EIF2B4: variants seen among roughly 807,000 people sequenced by gnomAD.
EIF2B4 encodes eukaryotic translation initiation factor 2B subunit delta, also known as translation initiation factor eIF2B subunit delta.
EIF2B4 carries 34 observed loss-of-function variants against 66.7 expected under a neutral mutation model. The ratio of observed to expected loss-of-function variants is 0.51; its 90% CI spans 0.39 to 0.68. The LOEUF is 0.68. Among genes scored for constraint, EIF2B4 ranks in the 30% least tolerant of loss-of-function variants. EIF2B4 has a pLI of 0.00. For missense variants in EIF2B4, 618 were observed against 657.9 expected, an observed-to-expected ratio of 0.94 and a Z score of 0.66; for synonymous variants, 278 against 253.6, an observed-to-expected ratio of 1.10 and a Z score of -0.92.
intron 3 of EIF2B4, 32 bp downstream of exon 3, chr2:27,369,382 C>G: frequency 6.2e-7 from 1 of 1,613,752 alleles, no homozygotes; most frequent in Non-Finnish European, 8.5e-7. Context: ...CAGCTCCACA[C>G]CCCAGCCCTT....
At chr2:27,368,291 C>T in intron 6 of EIF2B4, 81 bp downstream of exon 6, 2 of 1,410,362 alleles carry the variant, frequency 1.4e-6, no homozygotes, top group Non-Finnish European at 2.0e-6. Flanking sequence ...CAGAGTCCAT[C>T]TCAGATTACT....
chr2:27,369,390 C>G (rs772707170), intron 3 of EIF2B4, 24 bp downstream of exon 3: 1 of 1,613,912 alleles, frequency 6.2e-7, no homozygotes, highest in South Asian at 1.1e-5. Flanking sequence ...CACCCCAGCC[C>G]TTTAAAAGAG....
Position 27,367,760 on chromosome 2 carries a change from T to C in EIF2B4, c.768A>G (p.Leu256=). 2 of 1,614,106 alleles carry C rather than the reference T, an allele frequency of 1.2e-6. No homozygotes were observed. Among genetic ancestry groups the C allele is most frequent in the Non-Finnish European group, 1.7e-6 (2 of 1,179,934 alleles). The stretch of plus-strand genomic sequence containing the variant: ...GTTGTCCCTACCTCATGTAGGGTTT[T>C]AGTTTATTCACTAGATCCCTGGAGA... ...EELSRDLVNK[L]KPYMSFLTQC... is the part of the protein sequence containing the mutation. The change falls in exon 8 of 13, where the codon CTA becomes CTG. Residue 256 remains leucine (L), a synonymous_variant. Transcript: ENST00000347454.
At chr2:27,366,428 A>T (rs960740169) in intron 11 of EIF2B4, 1 of 372,330 alleles carries the variant, frequency 2.7e-6, no homozygotes, top group South Asian at 2.5e-5. Flanking sequence ...CATGCCTATG[A>T]TCCCAGTACT....
chr2:27,366,739 T>C lies in EIF2B4; in HGVS notation c.1191+20A>G. On this transcript the variant is annotated intron_variant, in intron 11 of 12. Transcript: ENST00000347454. ...CACCTTTTCACCGCCAACTTTGGAG[T>C]CCTTTTCCTCTGTACTTACCTCTGG... The C allele has an allele frequency of 2.5e-6, 4 of 1,614,036 alleles. No individual in the cohort carries two copies. The highest frequency in any genetic ancestry group is 2.5e-6 in the Non-Finnish European group (3 of 1,179,966).
intron 4 of EIF2B4, 89 bp from the exon 5 acceptor site, chr2:27,368,822 G>A: frequency 6.7e-7 from 1 of 1,485,840 alleles, no homozygotes; most frequent in South Asian, 1.1e-5. Flanking sequence ...AAGAAAAACA[G>A]GATGAGGTGG....
chr2:27,369,689 T>C, intron 2 of EIF2B4, 140 bp from the exon 3 acceptor site: 4 of 1,515,154 alleles, frequency 2.6e-6, no homozygotes, highest in Non-Finnish European at 3.7e-6. Context: ...CAAGCTTACA[T>C]CCACAGAGGC....
In EIF2B4 at chr2:27,366,771, A is replaced by ATAGGAGGCTGCAGGAATCAGCAGG; in HGVS notation, c.1155_1178dup (p.Leu386_Tyr393dup). On this transcript the variant is annotated inframe_insertion, in exon 11 of 13. Transcript: ENST00000347454. ...CCTCTGTACTTACCTCTGGGAGCAC[A>ATAGGAGGCTGCAGGAATCAGCAGG]TAGGAGGCTGCAGGAATCAGCAGGT... The ATAGGAGGCTGCAGGAATCAGCAGG allele has an allele frequency of 1.9e-6, 3 of 1,614,210 alleles. No homozygotes were observed. The highest frequency in any genetic ancestry group is 2.5e-6 in the Non-Finnish European group (3 of 1,180,038).
In EIF2B4 at chr2:27,370,246, C is replaced by G. The variant is rs747012688; in HGVS notation, c.31+38G>C. The G allele has an allele frequency of 6.5e-6, 10 of 1,544,140 alleles. No individual in the cohort carries two copies. The African/African-American group carries it at 1.2e-4, about 19-fold the overall frequency. ...GCACTAGCTGTCCGGAGCTCGTCGG[C>G]TCCGCGTACCAGTAGGCAGGCCCGG... On this transcript the variant is annotated intron_variant, in intron 1 of 12. Coordinates refer to ENST00000347454, the MANE Select transcript of EIF2B4 (RefSeq NM_001034116.2).
At position 27,369,093 on chromosome 2, in the gene EIF2B4, C is replaced by A; in HGVS notation, c.331G>T (p.Glu111Ter). The change falls in exon 4 of 13, where the codon GAG becomes TAG. Residue 111 changes from glutamate to a stop codon, truncating the protein, a stop_gained. Transcript: ENST00000347454. LOFTEE classifies it high-confidence loss of function. Reference protein sequence around the residue: ...RAERRAKQEAERALKQARKGE... With the variant: ...RAERRAKQEA The stretch of plus-strand genomic sequence containing the variant: ...TTTCTTGCCTGTTTCAGGGCCCGCT[C>A]GGCCTCCTGCTTGGCTCGACGCTCA... 6.2e-7 allele frequency: 1 copy of A among 1,614,132 alleles called. No homozygotes were observed. The highest frequency in any genetic ancestry group is 1.3e-5 in the African/African-American group (1 of 75,006).
chr2:27,368,864 T>C, intron 4 of EIF2B4, 131 bp from the exon 5 acceptor site: 1 of 1,414,802 alleles, frequency 7.1e-7, no homozygotes, highest in Non-Finnish European at 9.9e-7. Flanking sequence ...GAAAAGGAAA[T>C]AGGGATAGGA....
At chr2:27,365,053 ATC>A in intron 11 of EIF2B4, 155 bp from the exon 12 acceptor site, 1 of 772,138 alleles carries the variant, frequency 1.3e-6, no homozygotes, top group Non-Finnish European at 2.0e-6. Flanking sequence ...CAAGTAATAA[ATC>A]TTTTTTTTTT....
chr2:27,366,552 C>T, intron 11 of EIF2B4: 1 of 643,520 alleles, frequency 1.6e-6, no homozygotes. Context: ...TGGTGGCACA[C>T]ACCAGTAGTC....
At chr2:27,370,166 G>T in intron 1 of EIF2B4, 118 bp downstream of exon 1, 1 of 1,544,714 alleles carries the variant, frequency 6.5e-7, no homozygotes. Context: ...GTGTAGACCG[G>T]AGCCCAGCGT....
intron 11 of EIF2B4, 34 bp from the exon 12 acceptor site, chr2:27,364,932 C>A: frequency 6.2e-7 from 1 of 1,606,394 alleles, no homozygotes; most frequent in South Asian, 1.1e-5. Flanking sequence ...AAAAAAATGT[C>A]ATTGTTGTAT....
chr2:27,367,950 C>T, intron 7 of EIF2B4, 75 bp downstream of exon 7: 4 of 1,494,060 alleles, frequency 2.7e-6, no homozygotes, highest in East Asian at 2.4e-5. Flanking sequence ...CCAGAGATGA[C>T]CTTGGGTGAC....
Position 27,369,554 on chromosome 2 carries a change from G to C in EIF2B4, c.76-5C>G, listed in dbSNP as rs749563385. 5.6e-6 allele frequency: 9 copies of C among 1,613,922 alleles called. No individual in the cohort carries two copies. The highest frequency in any genetic ancestry group is 7.6e-6 in the Non-Finnish European group (9 of 1,180,036). ...GGTCATTTCCCTCCCCACTGCCTGAGACACAGACATAGGATACTGCTCTTC... is the reference window on the plus strand; with the variant it reads ...GGTCATTTCCCTCCCCACTGCCTGACACACAGACATAGGATACTGCTCTTC... On this transcript the variant is annotated splice_polypyrimidine_tract_variant and splice_region_variant and intron_variant, in intron 2 of 12. Coordinates refer to ENST00000347454, the MANE Select transcript of EIF2B4 (RefSeq NM_001034116.2).
chr2:27,365,430 G>A (rs373612187), intron 11 of EIF2B4: 42 of 164,594 alleles, frequency 2.6e-4, no homozygotes, highest in South Asian at 2.1e-3. Flanking sequence ...AGGCTGGAGT[G>A]CAGTGGCATG....
intron 9 of EIF2B4, 35 bp downstream of exon 9, chr2:27,367,422 A>T: frequency 6.2e-7 from 1 of 1,612,002 alleles, no homozygotes; most frequent in Non-Finnish European, 8.5e-7. Context: ...TTTTACCCAC[A>T]GGTGCATGCC....
Sources: allele counts gnomAD v4.1 joint callset, GRCh38; gene constraint gnomAD v4.1.1; transcripts MANE v1.5; gene names NCBI Gene and HGNC (gene_info 2026-07-23, HGNC 2026-07-21).